The following YEATS4 variants were observed in gnomAD, a reference collection of about 807,000 sequenced individuals.
YEATS4 encodes YEATS domain containing 4.
In YEATS4, 17 loss-of-function variants were observed where a neutral mutation model predicts 30.1. The observed-to-expected ratio is 0.56, with a 90% CI of 0.39 to 0.85. The LOEUF (loss-of-function observed/expected upper bound fraction) is 0.85. Ranked by LOEUF, YEATS4 falls within the 40% of genes least tolerant of loss-of-function variation. The pLI, the probability that YEATS4 is intolerant of heterozygous loss-of-function variation, is 0.00. For synonymous variants in YEATS4, 85 were observed against 87.5 expected (o/e 0.97, Z 0.16); for missense variants, 142 against 268.3 (o/e 0.53, Z 3.29).
the YEATS4 span, among the ~76,000 whole-genome samples, chr12:69,397,664 AC>A: frequency 1.9e-4 from 29 of 152,314 alleles, 2 homozygotes; most frequent in East Asian, 5.4e-3. Flanking sequence ...TTTATAAATT[AC>A]CCAATTTTGG....
intron 4 of YEATS4, among the ~76,000 whole-genome samples, chr12:69,368,007 C>T (rs559906415): frequency 2.4e-4 from 36 of 152,320 alleles, no homozygotes; most frequent in African/African-American, 8.2e-4. Flanking sequence ...CTCTTGAAGT[C>T]ACTCTTAGAA....
chr12:69,375,063 G>A (rs536710555), intron 6 of YEATS4, among the ~76,000 whole-genome samples: 585 of 149,694 alleles, frequency 3.9e-3, no homozygotes, highest in Middle Eastern at 7.1e-3. Flanking sequence ...CCCACCTCCC[G>A]GAGGGGGCGG....
At chr12:69,415,052 A>C in the YEATS4 span, among the ~76,000 whole-genome samples, 1 of 152,338 alleles carries the variant, frequency 6.6e-6, no homozygotes, top group East Asian at 1.9e-4. Context: ...TACACTAAGC[A>C]ATTCAAAAAG....
At chr12:69,422,346 C>T in the YEATS4 span, among the ~76,000 whole-genome samples, 1 of 152,052 alleles carries the variant, frequency 6.6e-6, no homozygotes, top group Non-Finnish European at 1.5e-5. Flanking sequence ...AAAGAAGAAA[C>T]AGTGGCCAGG....
chr12:69,387,816 G>A (rs1284997374), intron 6 of YEATS4, among the ~76,000 whole-genome samples: 1 of 152,178 alleles, frequency 6.6e-6, no homozygotes, highest in African/African-American at 2.4e-5. Context: ...AGCACTGATT[G>A]GTCATGGCAG....
chr12:69,361,479 G>A (rs182968349), intron 1 of YEATS4: 1 of 152,358 alleles, frequency 6.6e-6, no homozygotes, highest in Admixed American at 6.5e-5. Context: ...TAGTAGAGAC[G>A]GGGGCTTCTC....
chr12:69,412,275 G>C, the YEATS4 span, among the ~76,000 whole-genome samples: 2 of 152,126 alleles, frequency 1.3e-5, no homozygotes, highest in Non-Finnish European at 2.9e-5. Flanking sequence ...TGCAGGTCAG[G>C]CTGGCTCTAA....
chr12:69,376,494 G>C (rs1333040396), intron 6 of YEATS4, among the ~76,000 whole-genome samples: 2 of 152,162 alleles, frequency 1.3e-5, no homozygotes, highest in African/African-American at 4.8e-5. Context: ...CCATCATTCT[G>C]TCGATATGAG....
downstream of YEATS4, among the ~76,000 whole-genome samples, chr12:69,392,131 T>C (rs191342835): frequency 5.6e-4 from 85 of 152,344 alleles, no homozygotes; most frequent in East Asian, 8.9e-3. Flanking sequence ...TCAATAAGCA[T>C]ATGAGGAGAT....
chr12:69,373,387 T>C (rs1041228859), intron 6 of YEATS4, among the ~76,000 whole-genome samples: 7 of 152,232 alleles, frequency 4.6e-5, no homozygotes, highest in Non-Finnish European at 1.0e-4. Flanking sequence ...TTTCTGATGA[T>C]CAGTGATGTT....
chr12:69,384,067 A>G (rs919165087), intron 6 of YEATS4, among the ~76,000 whole-genome samples: 1 of 152,334 alleles, frequency 6.6e-6, no homozygotes, highest in East Asian at 1.9e-4. Flanking sequence ...TCTGGGTACT[A>G]ATTATAATTT....
chr12:69,402,190 T>G, the YEATS4 span, among the ~76,000 whole-genome samples: 4 of 152,322 alleles, frequency 2.6e-5, no homozygotes, highest in African/African-American at 9.6e-5. Context: ...GTTACAGATC[T>G]TGGCTTTTCC....
In YEATS4 at chr12:69,390,338, TA is replaced by T. The variant is rs779213677; in HGVS notation, c.*23del. 3.0e-5 allele frequency: 46 copies of T among 1,536,896 alleles called. No individual in the cohort carries two copies. In the African/African-American group the frequency reaches 6.3e-4, roughly 21 times the overall value. On this transcript the variant is annotated 3_prime_UTR_variant, in exon 7 of 7. Transcript: ENST00000247843. The stretch of plus-strand genomic sequence containing the variant: ...ATAAACAGTTCTCATGAGAACTTGG[TA>T]GTAAGCTAAACTGAAAATAAGGTGG...
intron 4 of YEATS4, among the ~76,000 whole-genome samples, chr12:69,369,673 G>A (rs1460799150): frequency 6.6e-6 from 1 of 152,158 alleles, no homozygotes; most frequent in Admixed American, 6.5e-5. Flanking sequence ...TCTGCTTTCT[G>A]TCTGTTCCAG....
At chr12:69,398,318 C>T in the YEATS4 span, among the ~76,000 whole-genome samples, 1 of 150,990 alleles carries the variant, frequency 6.6e-6, no homozygotes, top group South Asian at 2.1e-4. Context: ...TACACACACA[C>T]ACACAAAAAA....
chr12:69,376,822 A>C (rs1282538148), intron 6 of YEATS4, among the ~76,000 whole-genome samples: 1 of 152,198 alleles, frequency 6.6e-6, no homozygotes, highest in South Asian at 2.1e-4. Flanking sequence ...CAGTGAAGCC[A>C]TTGGGTCCTG....
intron 2 of YEATS4, among the ~76,000 whole-genome samples, chr12:69,363,714 A>G (rs1268936479): frequency 6.6e-6 from 1 of 152,230 alleles, no homozygotes; most frequent in African/African-American, 2.4e-5. Context: ...TTATTCCTCT[A>G]TTTAAAACCC....
Position 69,370,708 on chromosome 12 carries a change from A to T in YEATS4, c.336A>T (p.Val112=). Residue 112 remains valine, a splice_region_variant and synonymous_variant, in exon 5 of 7, where the codon GTA becomes GTT. Coordinates refer to ENST00000247843, the MANE Select transcript of YEATS4 (RefSeq NM_006530.4). ...TGACATCTGTTTCTATTTCACAGGT[A>T]ACCCTGTATCATTTGCTAAAGCTGT... ...IFFIDPNERP[V]TLYHLLKLFQ... 6.4e-7 allele frequency: 1 copy of T among 1,551,320 alleles called. No homozygotes were observed. Among genetic ancestry groups the T allele is most frequent in the East Asian group, 2.3e-5 (1 of 44,414 alleles).
At chr12:69,364,300 G>A in intron 2 of YEATS4, 1 of 291,262 alleles carries the variant, frequency 3.4e-6, no homozygotes, top group South Asian at 2.7e-5. Flanking sequence ...GAAAAAAAAG[G>A]TATCATTATA....
Sources: allele counts gnomAD v4.1 joint callset (sites outside exome capture counted in the v4.1 genomes callset), GRCh38; gene constraint gnomAD v4.1.1; transcripts MANE v1.5; gene names NCBI Gene and HGNC (gene_info 2026-07-23, HGNC 2026-07-21).